OPHN1: variants seen among roughly 807,000 people sequenced by gnomAD.
OPHN1 encodes the protein oligophrenin-1.
In OPHN1, 11 loss-of-function variants were observed where a neutral mutation model predicts 60.7. The observed-to-expected ratio is 0.18, with a 90% CI of 0.11 to 0.30. OPHN1 has a LOEUF of 0.30. OPHN1 is among the 10% of genes least tolerant of loss of function. OPHN1 has a pLI of 1.00. For missense variants in OPHN1, 449 were observed against 611.0 expected, an observed-to-expected ratio of 0.73 and a Z score of 2.80; for synonymous variants, 226 against 222.6, an observed-to-expected ratio of 1.02 and a Z score of -0.14.
Position 68,416,010 on chromosome X carries a change from G to A in OPHN1, c.154+16857C>T, listed in dbSNP as rs1417475721. Among the ~76,000 whole-genome samples the A allele has an allele frequency of 6.3e-5, 6 of 94,665 alleles. 1 individual carries two copies. Among genetic ancestry groups the A allele is most frequent in the Admixed American group, 2.4e-4 (2 of 8,241 alleles). 82.2% of individuals were successfully genotyped at this position (94,665 alleles called of 115,157 possible). A position where few individuals can be genotyped will look rare whatever the true frequency, so the allele number is the denominator to read the frequency against. Reference sequence around the variant, plus strand: ...AGCCTGGGTGACAGAGCAAGACTCCGTCTCAAAAAAAAAAAATTATATAAT... The same window carrying A: ...AGCCTGGGTGACAGAGCAAGACTCCATCTCAAAAAAAAAAAATTATATAAT... On this transcript the variant is annotated intron_variant, in intron 2 of 24. Transcript: ENST00000355520.
At chrX:68,184,953 T>A (rs1460360216) in intron 15 of OPHN1, among the ~76,000 whole-genome samples, 1 of 112,218 alleles carries the variant, frequency 8.9e-6, no homozygotes, top group Non-Finnish European at 1.9e-5. Context: ...GGGGAAAAGA[T>A]GAAGGCAACA....
chrX:68,076,539 T>C (rs373035190), intron 19 of OPHN1, among the ~76,000 whole-genome samples: 2 of 111,781 alleles, frequency 1.8e-5, no homozygotes, highest in South Asian at 7.4e-4. Context: ...ACCAAACATA[T>C]ACAGAATTAA....
At chrX:68,162,798 C>T (rs944732106) in intron 15 of OPHN1, among the ~76,000 whole-genome samples, 6 of 110,668 alleles carry the variant, frequency 5.4e-5, no homozygotes, top group Non-Finnish European at 9.5e-5. Context: ...AAAATAGGCT[C>T]ATGTAAGTCA....
intron 5 of OPHN1, among the ~76,000 whole-genome samples, chrX:68,260,402 A>G (rs1187493281): frequency 9.0e-6 from 1 of 110,951 alleles, no homozygotes; most frequent in East Asian, 2.8e-4. Context: ...TATCCATTGA[A>G]CTGGTGACAG....
chrX:68,214,874 G>A (rs2077601082), intron 6 of OPHN1, among the ~76,000 whole-genome samples: 1 of 111,070 alleles, frequency 9.0e-6, no homozygotes, highest in African/African-American at 3.3e-5. Context: ...CTGTACTCCT[G>A]TAGTCCCAGC....
intron 5 of OPHN1, among the ~76,000 whole-genome samples, chrX:68,258,312 A>G (rs2077874797): frequency 9.4e-6 from 1 of 106,077 alleles, no homozygotes; most frequent in African/African-American, 3.5e-5. Context: ...GGTTAGTTCC[A>G]TATGTATACA....
At chrX:68,390,309 A>T (rs914722158) in intron 2 of OPHN1, among the ~76,000 whole-genome samples, 4 of 111,874 alleles carry the variant, frequency 3.6e-5, no homozygotes, top group African/African-American at 1.3e-4. Context: ...TAAAAAGGAA[A>T]ACACTGGGGC....
intron 2 of OPHN1, among the ~76,000 whole-genome samples, chrX:68,403,437 T>C (rs2078725230): frequency 8.9e-6 from 1 of 111,964 alleles, no homozygotes; most frequent in Non-Finnish European, 1.9e-5. Context: ...TAATTACTAC[T>C]GAAAGATAAA....
At chrX:68,369,316 A>G (rs1236780000) in intron 2 of OPHN1, among the ~76,000 whole-genome samples, 1 of 111,757 alleles carries the variant, frequency 8.9e-6, no homozygotes, top group Non-Finnish European at 1.9e-5. Context: ...GCAAGACTTC[A>G]TCTCTACAAA....
At chrX:68,412,047 T>C (rs2078771919) in intron 2 of OPHN1, among the ~76,000 whole-genome samples, 2 of 111,447 alleles carry the variant, frequency 1.8e-5, no homozygotes, top group African/African-American at 3.3e-5. Context: ...GGTCTTGTTA[T>C]ATAGATAAAA....
At chrX:68,048,488 T>C (rs1409165953) in intron 23 of OPHN1, 31 bp from the exon 24 acceptor site, 3 of 1,188,173 alleles carry the variant, frequency 2.5e-6, no homozygotes, top group Non-Finnish European at 3.4e-6. Context: ...TTCACTAAGA[T>C]TCTAGAAATC....
rs869083899 is a variant in OPHN1 at position 68,083,054 on chromosome X, CTTTTTTTTTTTTTTTT to C, written c.1687-9771_1687-9756del. Reference sequence around the variant, plus strand: ...ATCATGAACCAACCTCTGCTAGTTTCTTTTTTTTTTTTTTTTTTTTTTTTTTTTTGAGACGGAGTCT... The same window carrying C: ...ATCATGAACCAACCTCTGCTAGTTTCTTTTTTTTTTTTTGAGACGGAGTCT... On this transcript the variant is annotated intron_variant, in intron 19 of 24. Transcript: ENST00000355520. Among the ~76,000 whole-genome samples the C allele has an allele frequency of 2.8e-3, 106 of 37,456 alleles. 4 individuals carry two copies. Among genetic ancestry groups the C allele is most frequent in the Admixed American group, 4.9e-3 (10 of 2,057 alleles). 32.5% of individuals were successfully genotyped at this position (37,456 alleles called of 115,157 possible). A position where few individuals can be genotyped will look rare whatever the true frequency, so the allele number is the denominator to read the frequency against.
At chrX:68,220,366 G>A (rs2147499190) in intron 6 of OPHN1, among the ~76,000 whole-genome samples, 1 of 110,932 alleles carries the variant, frequency 9.0e-6, no homozygotes, top group South Asian at 3.9e-4. Flanking sequence ...GGAGGAACTG[G>A]TACTATTCCT....
At chrX:68,378,591 T>A (rs1354453490) in intron 2 of OPHN1, among the ~76,000 whole-genome samples, 1 of 111,971 alleles carries the variant, frequency 8.9e-6, no homozygotes, top group East Asian at 2.8e-4. Context: ...CTTTAATCCA[T>A]CTTGAATTAA....
chrX:68,385,737 C>T (rs2078621223), intron 2 of OPHN1, among the ~76,000 whole-genome samples: 1 of 112,187 alleles, frequency 8.9e-6, no homozygotes, highest in Non-Finnish European at 1.9e-5. Context: ...ACAGGAGGAA[C>T]TTTATTAACT....
intron 18 of OPHN1, among the ~76,000 whole-genome samples, chrX:68,109,502 G>A (rs1337727898): frequency 9.0e-6 from 1 of 111,358 alleles, no homozygotes; most frequent in Non-Finnish European, 1.9e-5. Flanking sequence ...GATTTTGTGT[G>A]GAGACATGTT....
At chrX:68,398,890 A>G (rs1031334518) in intron 2 of OPHN1, among the ~76,000 whole-genome samples, 5 of 110,820 alleles carry the variant, frequency 4.5e-5, no homozygotes, top group Non-Finnish European at 7.6e-5. Flanking sequence ...CAGAGTTTGC[A>G]GTGAGCTGAG....
At chrX:68,386,443 G>T (rs2078624896) in intron 2 of OPHN1, among the ~76,000 whole-genome samples, 1 of 111,846 alleles carries the variant, frequency 8.9e-6, no homozygotes, top group South Asian at 3.7e-4. Flanking sequence ...TTCTTTTAAA[G>T]ATTTATTTTT....
intron 18 of OPHN1, among the ~76,000 whole-genome samples, chrX:68,108,202 T>A (rs1215941517): frequency 8.9e-6 from 1 of 112,412 alleles, no homozygotes; most frequent in African/African-American, 3.2e-5. Flanking sequence ...ACACTATTAG[T>A]GTGACTCTGT....
Sources: allele counts gnomAD v4.1 joint callset (sites outside exome capture counted in the v4.1 genomes callset), GRCh38; gene constraint gnomAD v4.1.1; transcripts MANE v1.5; gene names NCBI Gene and HGNC (gene_info 2026-07-23, HGNC 2026-07-21).